The following CEP83 variants were observed in gnomAD, a reference collection of about 807,000 sequenced individuals.
CEP83 encodes the protein centrosomal protein of 83 kDa.
A neutral mutation model predicts 101.9 loss-of-function variants in CEP83; 70 were observed. That is an observed-to-expected ratio of 0.69 (90% CI 0.57 to 0.84). The LOEUF (loss-of-function observed/expected upper bound fraction) is 0.84, where lower values mean the gene tolerates loss of function less well. Among genes scored for constraint, CEP83 ranks in the 40% least tolerant of loss-of-function variants. The pLI, the probability that CEP83 is intolerant of heterozygous loss-of-function variation, is 0.00. For missense variants in CEP83, 715 were observed against 787.2 expected, an observed-to-expected ratio of 0.91 and a Z score of 1.10; for synonymous variants, 264 against 267.9, an observed-to-expected ratio of 0.99 and a Z score of 0.14.
At chr12:94,309,813 T>G in intron 16 of CEP83, 105 bp downstream of exon 16, 1 of 643,874 alleles carries the variant, frequency 1.6e-6, no homozygotes, top group Non-Finnish European at 2.5e-6. Context: ...TGGTGAATTT[T>G]GAGCACTGAC....
chr12:94,333,416 A>G, intron 13 of CEP83, 66 bp downstream of exon 13: 1 of 1,366,340 alleles, frequency 7.3e-7, no homozygotes. Flanking sequence ...TGGAATCATT[A>G]CTAAAATAAG....
At chr12:94,438,168 G>A (rs778349453) in intron 1 of CEP83, among the ~76,000 whole-genome samples, 11 of 151,678 alleles carry the variant, frequency 7.3e-5, no homozygotes, top group Admixed American at 1.3e-4. Flanking sequence ...GCAGTGAGCC[G>A]AGATCATGTC....
At chr12:94,270,588 AC>A in the CEP83 span, among the ~76,000 whole-genome samples, 1 of 147,294 alleles carries the variant, frequency 6.8e-6, no homozygotes, top group Non-Finnish European at 1.5e-5. Context: ...CACAACACCC[AC>A]CCCCACCCCC....
intron 2 of CEP83, among the ~76,000 whole-genome samples, chr12:94,414,155 G>A (rs1356598029): frequency 2.0e-5 from 3 of 152,130 alleles, no homozygotes; most frequent in Admixed American, 6.5e-5. Context: ...AACACGCACT[G>A]GGATTCAATC....
chr12:94,306,497 C>CTCATGACCAGTTTTAATACCA (rs1969033282), downstream of CEP83: 1 of 152,106 alleles, frequency 6.6e-6, no homozygotes, highest in Non-Finnish European at 1.5e-5. Context: ...ATTTTTGCTG[C>CTCATGACCAGTTTTAATACCA]TCATGACCAG....
rs534171259 is a variant in CEP83, at chr12:94,354,995, CGTCT to C, written c.1343+12795_1343+12798del. On this transcript the variant is annotated intron_variant, in intron 11 of 16. Coordinates refer to ENST00000397809, the MANE Select transcript of CEP83 (RefSeq NM_016122.3). ...CCAGCCTGGCTACAGAGTGAGACTC[CGTCT>C]CAAAAACACAAAACAAAAAAAAACA... is the stretch of plus-strand genomic sequence containing the variant. Among the ~76,000 whole-genome samples, 1,127 of 150,068 alleles carry C rather than the reference CGTCT, an allele frequency of 7.5e-3. 20 individuals carry two copies. Among genetic ancestry groups the C allele is most frequent in the African/African-American group, 0.027 (1,094 of 40,800 alleles).
chr12:94,388,198 C>A (rs10777591), intron 6 of CEP83, among the ~76,000 whole-genome samples: 1 of 152,016 alleles, frequency 6.6e-6, no homozygotes. Context: ...CAATGGTGAA[C>A]TGGATAAAGA....
At chr12:94,389,979 C>T (rs375265767) in intron 6 of CEP83, among the ~76,000 whole-genome samples, 13 of 152,206 alleles carry the variant, frequency 8.5e-5, no homozygotes, top group East Asian at 5.8e-4. Flanking sequence ...TCGAACTGGG[C>T]GGAGCCCACT....
intron 2 of CEP83, among the ~76,000 whole-genome samples, chr12:94,426,887 A>G (rs945638030): frequency 3.3e-5 from 5 of 152,198 alleles, no homozygotes; most frequent in African/African-American, 1.2e-4. Flanking sequence ...TGGAAAAGGC[A>G]AGGAAAAGAT....
At chr12:94,426,310 C>G (rs972663684) in intron 2 of CEP83, among the ~76,000 whole-genome samples, 1 of 152,074 alleles carries the variant, frequency 6.6e-6, no homozygotes, top group Non-Finnish European at 1.5e-5. Context: ...CCTTCAAAAC[C>G]CAGCTCAGGA....
chr12:94,425,272 G>T (rs932812751), intron 2 of CEP83, among the ~76,000 whole-genome samples: 1 of 152,154 alleles, frequency 6.6e-6, no homozygotes, highest in African/African-American at 2.4e-5. Context: ...GAACCTAAGT[G>T]CTTGGACCAA....
intron 2 of CEP83, chr12:94,434,196 T>C (rs1406413734): frequency 6.6e-6 from 1 of 152,214 alleles, no homozygotes; most frequent in Non-Finnish European, 1.5e-5. Flanking sequence ...CATATGTTTG[T>C]GCAAAAATAT....
At chr12:94,412,867 T>G (rs1300176307) in intron 2 of CEP83, among the ~76,000 whole-genome samples, 2 of 151,690 alleles carry the variant, frequency 1.3e-5, no homozygotes, top group Admixed American at 6.6e-5. Flanking sequence ...TTTTTTTTTT[T>G]TTTGAGACGG....
chr12:94,406,556 T>C (rs1463401953), intron 4 of CEP83, among the ~76,000 whole-genome samples: 2 of 152,056 alleles, frequency 1.3e-5, no homozygotes, highest in East Asian at 1.9e-4. Flanking sequence ...TAAAACTTTA[T>C]TGTACAGTTA....
chr12:94,388,884 T>C (rs1011197634), intron 6 of CEP83, among the ~76,000 whole-genome samples: 13 of 152,178 alleles, frequency 8.5e-5, no homozygotes, highest in Admixed American at 4.6e-4. Context: ...CCCAGTACTT[T>C]GGGAGTCTGA....
chr12:94,361,673 C>T (rs2060769083), intron 11 of CEP83: 1 of 151,944 alleles, frequency 6.6e-6, no homozygotes, highest in Non-Finnish European at 1.5e-5. Context: ...ACAACCTATA[C>T]AATGGGAGAA....
chr12:94,290,882 G>A, the CEP83 span, among the ~76,000 whole-genome samples: 4 of 152,222 alleles, frequency 2.6e-5, no homozygotes, highest in African/African-American at 9.6e-5. Context: ...CAGTCCTCCA[G>A]AAACAGTTCC....
At chr12:94,310,198 C>G in intron 15 of CEP83, 91 bp from the exon 16 acceptor site, 2 of 512,062 alleles carry the variant, frequency 3.9e-6, no homozygotes, top group South Asian at 1.0e-4. Context: ...ACTGGAATTT[C>G]TAAATTATGA....
chr12:94,301,509 A>T (rs940313128), downstream of CEP83, among the ~76,000 whole-genome samples: 10 of 152,204 alleles, frequency 6.6e-5, no homozygotes, highest in Admixed American at 2.0e-4. Flanking sequence ...TTCTAATCAA[A>T]GCATGAGTAC....
Sources: gnomAD v4.1 joint callset for allele counts (sites outside exome capture counted in the v4.1 genomes callset) on GRCh38, gnomAD v4.1.1 for gene constraint, MANE v1.5 for transcripts, NCBI Gene and HGNC (gene_info 2026-07-23, HGNC 2026-07-21) for gene names.